GRK5: variants seen among roughly 807,000 people sequenced by gnomAD.
GRK5 encodes the protein G protein-coupled receptor kinase 5, also known as g protein-coupled receptor kinase GRK5.
Under a neutral mutation model 78.4 loss-of-function variants are expected in GRK5, and 40 were observed. The ratio of observed to expected loss-of-function variants is 0.51; its 90% CI spans 0.40 to 0.66. The LOEUF is 0.66. GRK5 is among the 30% of genes least tolerant of loss of function. GRK5 has a pLI of 0.00. For synonymous variants in GRK5, 289 were observed against 296.8 expected (o/e 0.97, Z 0.27); for missense variants, 598 against 759.9 (o/e 0.79, Z 2.50).
chr10:119,392,766 ATCTC>A (rs372083115), intron 3 of GRK5, among the ~76,000 whole-genome samples: 1 of 151,768 alleles, frequency 6.6e-6, no homozygotes, highest in African/African-American at 2.4e-5. Context: ...GACAAGGCCC[ATCTC>A]TCTCTCTCTG....
chr10:119,248,543 A>G lies in GRK5; in HGVS notation c.52+40574A>G, dbSNP rs147221753. On this transcript the variant is annotated intron_variant, in intron 1 of 15. Transcript: ENST00000392870. ...GAAGCAATGATAGCATGAGATTATG[A>G]ATGTGCCTTGTGGAGCTTAGACTGC... 2.8e-4 allele frequency among the ~76,000 whole-genome samples: 43 copies of G among 152,212 alleles called. 1 individual carries two copies. In the East Asian group the frequency reaches 8.1e-3, roughly 29 times the overall value.
chr10:119,242,615 C>G (rs540443200), intron 1 of GRK5, among the ~76,000 whole-genome samples: 2 of 150,830 alleles, frequency 1.3e-5, no homozygotes, highest in African/African-American at 2.4e-5. Flanking sequence ...AATTGTAACC[C>G]CCATAATCTC....
Position 119,429,595 on chromosome 10 carries a change from A to T in GRK5, c.534-780A>T, listed in dbSNP as rs1009932949. On this transcript the variant is annotated intron_variant, in intron 6 of 15. Coordinates refer to ENST00000392870, the MANE Select transcript of GRK5 (RefSeq NM_005308.3). ...AGTGCCATCATGCCTCATGATCAGA[A>T]GTTCTGTCTGATTCAATGTCATAAA... Among the ~76,000 whole-genome samples, 5 of 150,964 alleles carry T rather than the reference A, an allele frequency of 3.3e-5. 1 individual carries two copies. The highest frequency in any genetic ancestry group is 1.2e-4 in the African/African-American group (5 of 40,902).
At chr10:119,349,407 A>G (rs1449690527) in intron 2 of GRK5, among the ~76,000 whole-genome samples, 1 of 152,222 alleles carries the variant, frequency 6.6e-6, no homozygotes, top group Non-Finnish European at 1.5e-5. Flanking sequence ...GGAAGCAGGC[A>G]TGGGTTCAGT....
At chr10:119,347,961 T>C (rs1851126155) in intron 2 of GRK5, among the ~76,000 whole-genome samples, 4 of 152,116 alleles carry the variant, frequency 2.6e-5, no homozygotes, top group Admixed American at 1.3e-4. Context: ...AACCTTTCCT[T>C]CTCCACAAAG....
chr10:119,212,226 T>C (rs1458409908), intron 1 of GRK5, among the ~76,000 whole-genome samples: 1 of 152,190 alleles, frequency 6.6e-6, no homozygotes, highest in Non-Finnish European at 1.5e-5. Flanking sequence ...AGCAATGTTT[T>C]CAGAAGGCCT....
chr10:119,245,133 C>G (rs1425969003), intron 1 of GRK5, among the ~76,000 whole-genome samples: 1 of 152,134 alleles, frequency 6.6e-6, no homozygotes, highest in African/African-American at 2.4e-5. Context: ...AAAAAATTAG[C>G]TGGGCGTGGT....
At chr10:119,256,889 C>A (rs1849295138) in intron 1 of GRK5, among the ~76,000 whole-genome samples, 1 of 152,196 alleles carries the variant, frequency 6.6e-6, no homozygotes, top group African/African-American at 2.4e-5. Flanking sequence ...CGATCACTTC[C>A]CACTTGCCCC....
intron 2 of GRK5, among the ~76,000 whole-genome samples, chr10:119,376,983 C>CGT (rs1021796855): frequency 6.6e-6 from 1 of 152,072 alleles, no homozygotes. Flanking sequence ...CATGCGCGTG[C>CGT]GTGTGTGTAT....
intron 3 of GRK5, among the ~76,000 whole-genome samples, chr10:119,383,170 C>T (rs1277594318): frequency 6.6e-6 from 1 of 152,206 alleles, no homozygotes; most frequent in African/African-American, 2.4e-5. Flanking sequence ...ATCCACCCAC[C>T]TCGGCCTCCC....
At chr10:119,359,744 G>A (rs554453078) in intron 2 of GRK5, among the ~76,000 whole-genome samples, 16 of 152,328 alleles carry the variant, frequency 1.1e-4, no homozygotes, top group Middle Eastern at 3.4e-3. Context: ...GGATGCAGGT[G>A]TTCGGGGGAA....
At chr10:119,332,995 T>C (rs548584293) in intron 2 of GRK5, among the ~76,000 whole-genome samples, 3 of 152,366 alleles carry the variant, frequency 2.0e-5, no homozygotes, top group East Asian at 1.9e-4. Context: ...CGTTTACTTG[T>C]GTATTTTCTG....
At chr10:119,410,661 T>C (rs1852321828) in intron 4 of GRK5, among the ~76,000 whole-genome samples, 1 of 152,122 alleles carries the variant, frequency 6.6e-6, no homozygotes, top group African/African-American at 2.4e-5. Context: ...TGATCCTCAG[T>C]GCAACCCTAC....
rs190317278 is a variant in GRK5, at chr10:119,318,197, G to A, written c.53-8319G>A. Among the ~76,000 whole-genome samples, 6 of 152,346 alleles carry A rather than the reference G, an allele frequency of 3.9e-5. No homozygotes were observed. The East Asian group carries it at 9.6e-4, about 24-fold the overall frequency. ...GGAGGAAAAGAACATTAGACTAAGA[G>A]TCAGAACAGCAGAGCCCTGGTTCAG... On this transcript the variant is annotated intron_variant, in intron 1 of 15. Coordinates refer to ENST00000392870, the MANE Select transcript of GRK5 (RefSeq NM_005308.3).
chr10:119,438,552 T>G (rs1852969172), intron 9 of GRK5, among the ~76,000 whole-genome samples: 1 of 150,858 alleles, frequency 6.6e-6, no homozygotes, highest in South Asian at 2.1e-4. Context: ...AAATTTTCCC[T>G]AAGGGTTGAA....
chr10:119,226,581 C>T (rs1434507167), intron 1 of GRK5, among the ~76,000 whole-genome samples: 3 of 146,702 alleles, frequency 2.0e-5, no homozygotes, highest in East Asian at 2.0e-4. Flanking sequence ...CAGTCTCACG[C>T]TTGCCCAGGC....
In GRK5 at chr10:119,430,508, C is replaced by A; in HGVS notation, c.597+70C>A. ...GTCACCTTTCCTGTCCCTTCTAAAT[C>A]AACCTAAAGGGTTGGCCCACGGGTC... On this transcript the variant is annotated intron_variant, in intron 7 of 15. Transcript: ENST00000392870. This position sits in a 1 kb window ranked among gnomAD's most constrained non-coding sequence, Gnocchi z 4.5. 5 of 1,469,454 alleles carry A rather than the reference C, an allele frequency of 3.4e-6. No homozygotes were observed. The highest frequency in any genetic ancestry group is 3.8e-6 in the Non-Finnish European group (4 of 1,057,442). 91.0% of individuals were successfully genotyped at this position (1,469,454 alleles called of 1,614,324 possible). A position where few individuals can be genotyped will look rare whatever the true frequency, so the allele number is the denominator to read the frequency against.
chr10:119,333,282 C>G (rs1458711268), intron 2 of GRK5: 1 of 153,956 alleles, frequency 6.5e-6, no homozygotes, highest in African/African-American at 2.4e-5. Context: ...CACCCCTCCC[C>G]CTGCCCACCA....
chr10:119,455,163 G>A lies in GRK5; in HGVS notation c.*96G>A. 9.9e-7 allele frequency: 1 copy of A among 1,005,654 alleles called. No homozygotes were observed. The highest frequency in any genetic ancestry group is 1.6e-6 in the Non-Finnish European group (1 of 636,214). The allele number at this position is 1,005,654 out of a possible 1,614,324, so 62.3% of individuals were successfully genotyped here. A position where few individuals can be genotyped will look rare whatever the true frequency, so the allele number is the denominator to read the frequency against. On this transcript the variant is annotated 3_prime_UTR_variant, in exon 16 of 16. Transcript: ENST00000392870. ...AGCCCCTGCTCTGGTGGGGCTGCCA[G>A]GGGAGACCCCGGGAGCCGGGGAAGG...
Sources: gnomAD v4.1 joint callset for allele counts (sites outside exome capture counted in the v4.1 genomes callset) on GRCh38, gnomAD v4.1.1 for gene constraint, Gnocchi (gnomAD v3.1) non-coding constraint, MANE v1.5 for transcripts, NCBI Gene and HGNC (gene_info 2026-07-23, HGNC 2026-07-21) for gene names.